PER3: variants seen among roughly 807,000 people sequenced by gnomAD.
PER3 encodes period circadian regulator 3, also known as period circadian protein homolog 3.
A neutral mutation model predicts 127.2 loss-of-function variants in PER3; 107 were observed. The ratio of observed to expected loss-of-function variants is 0.84; its 90% CI spans 0.72 to 0.99. The LOEUF is 0.99. Among genes scored for constraint, PER3 ranks in the 50% least tolerant of loss-of-function variants. The pLI, the probability that PER3 is intolerant of heterozygous loss-of-function variation, is 0.00. For missense variants in PER3, 1,560 were observed against 1,525.8 expected (o/e 1.02, Z -0.37); for synonymous variants, 618 against 585.8 (o/e 1.05, Z -0.79).
chr1:7,813,112 G>A (rs991357065), intron 13 of PER3, among the ~76,000 whole-genome samples: 1 of 152,178 alleles, frequency 6.6e-6, no homozygotes, highest in Admixed American at 6.5e-5. Flanking sequence ...GAGTTAATAT[G>A]GGAGGGCAAG....
chr1:7,840,192 T>C (rs2097378627), intron 21 of PER3, among the ~76,000 whole-genome samples: 1 of 152,212 alleles, frequency 6.6e-6, no homozygotes, highest in African/African-American at 2.4e-5. Flanking sequence ...ATTTCAGTTT[T>C]GTACTTTTTA....
At chr1:7,787,427 C>A in intron 4 of PER3, 1 of 416,980 alleles carries the variant, frequency 2.4e-6, no homozygotes, top group Non-Finnish European at 4.7e-6. Flanking sequence ...GTGCGCAATC[C>A]CTAGTATTAT....
intron 19 of PER3, among the ~76,000 whole-genome samples, chr1:7,831,254 A>G (rs769250999): frequency 1.6e-4 from 24 of 152,162 alleles, no homozygotes; most frequent in Non-Finnish European, 2.4e-4. Flanking sequence ...TCAATTTGCA[A>G]TTGTTTGTTG....
chr1:7,820,623 T>G lies in PER3; in HGVS notation c.1940T>G (p.Val647Gly), dbSNP rs10462020. ...QCGYSSTIVH[V>G]PPPETARDAT... ...GGTTACAGCAGCACCATTGTCCATG[T>G]CCCACCCCCAGAGACAGGTACCACA... Residue 647 changes from valine to glycine, a missense_variant, in exon 16 of 22, where the codon GTC becomes GGC. By Grantham distance (109) the Val-to-Gly change is moderately radical (BLOSUM62 -3). Around this residue, in one of 3 missense-constraint regions of PER3, gnomAD observed 1,332 missense variants for 1,223.6 expected, o/e 1.09. Transcript: ENST00000377532. The G allele has an allele frequency of 0.18, 293,192 of 1,611,594 alleles. 28,217 individuals are homozygous for G. Among genetic ancestry groups the G allele is most frequent in the Non-Finnish European group, 0.19 (227,485 of 1,178,464 alleles).
intron 21 of PER3, among the ~76,000 whole-genome samples, chr1:7,841,358 T>TC (rs1212601826): frequency 2.0e-5 from 3 of 152,092 alleles, no homozygotes; most frequent in South Asian, 2.1e-4. Context: ...AACCAGATTC[T>TC]CCCCTTTCCC....
Position 7,827,207 on chromosome 1 carries a change from A to G in PER3, c.2278A>G (p.Ser760Gly), listed in dbSNP as rs1438613242. Residue 760 changes from serine to glycine, a missense_variant, in exon 18 of 22, where the codon AGC becomes GGC. By Grantham distance (56) the Ser-to-Gly change is moderately conservative. This residue lies in a region of PER3 where 1,332 missense variants were observed against 1,223.6 expected (regional missense o/e 1.09). Transcript: ENST00000377532. ...GCTGCCGGAGCCGCCAGACAGCAGC[A>G]GCTCGAACACCGGCTCTGGTCCCCG... ...KKLPEPPDSS[S>G]SNTGSGPRRG... The G allele has an allele frequency of 6.8e-6, 11 of 1,613,912 alleles. No homozygotes were observed. Among genetic ancestry groups the G allele is most frequent in the Non-Finnish European group, 8.5e-6 (10 of 1,179,976 alleles).
At position 7,827,264 on chromosome 1, in the gene PER3, T is replaced by C. The variant is rs1558460360; in HGVS notation, c.2335T>C (p.Cys779Arg). Residue 779 changes from cysteine (C) to arginine (R), a missense_variant, in exon 18 of 22, where the codon TGC becomes CGC. Coordinates refer to ENST00000377532, the MANE Select transcript of PER3 (RefSeq NM_001377275.1). ...RGAHQNAQPCCPSAASSPHTS... is the reference protein window; with the variant it reads ...RGAHQNAQPCRPSAASSPHTS... ...AGCGCATCAGAACGCACAGCCCTGC[T>C]GCCCCTCCGCGGCCTCCTCTCCGCA... 1.2e-6 allele frequency: 2 copies of C among 1,613,888 alleles called. No homozygotes were observed. Among genetic ancestry groups the C allele is most frequent in the Middle Eastern group, 1.6e-4 (1 of 6,062 alleles).
chr1:7,804,683 C>T (rs916172227), intron 10 of PER3, among the ~76,000 whole-genome samples: 1 of 151,794 alleles, frequency 6.6e-6, no homozygotes, highest in Non-Finnish European at 1.5e-5. Flanking sequence ...TTTGAAGGTA[C>T]GAGCCACTGC....
chr1:7,816,191 A>G (rs1009108625), intron 13 of PER3, among the ~76,000 whole-genome samples: 2 of 152,072 alleles, frequency 1.3e-5, no homozygotes, highest in Admixed American at 6.6e-5. Context: ...ATTGTTTCAC[A>G]AGTAAGCAAT....
intron 16 of PER3, among the ~76,000 whole-genome samples, chr1:7,821,637 C>T (rs958098855): frequency 1.3e-5 from 2 of 152,076 alleles, no homozygotes; most frequent in Admixed American, 1.3e-4. Context: ...TTATATTCTG[C>T]CACTCTGCTT....
chr1:7,840,023 C>G (rs533798084), intron 21 of PER3, among the ~76,000 whole-genome samples: 15 of 152,088 alleles, frequency 9.9e-5, no homozygotes, highest in Admixed American at 4.6e-4. Flanking sequence ...TTGGTCCACT[C>G]GATGGTTTCC....
At chr1:7,800,173 A>AT (rs2097164231) in intron 7 of PER3, among the ~76,000 whole-genome samples, 1 of 151,554 alleles carries the variant, frequency 6.6e-6, no homozygotes, top group Admixed American at 6.6e-5. Context: ...CAAATGAGAT[A>AT]TTAGCATTTG....
chr1:7,810,663 C>T lies in PER3; in HGVS notation c.1522+75C>T, dbSNP rs546830130. The T allele has an allele frequency of 6.3e-5, 88 of 1,397,752 alleles. No individual in the cohort carries two copies. In the East Asian group the frequency reaches 1.2e-3, roughly 19 times the overall value. The allele number at this position is 1,397,752 out of a possible 1,614,324, so 86.6% of individuals were successfully genotyped here. ...CTGCATAGACGTCATGTATGTGATT[C>T]GTGAGCATAAAGTCATGACCCTGTG... On this transcript the variant is annotated intron_variant, in intron 13 of 21. Transcript: ENST00000377532.
chr1:7,803,643 C>A, intron 9 of PER3, 49 bp from the exon 10 acceptor site: 1 of 1,154,588 alleles, frequency 8.7e-7, no homozygotes, highest in Non-Finnish European at 1.3e-6. Context: ...CATTTGTAAT[C>A]AGTATCTGTG....
Position 7,827,697 on chromosome 1 carries a change from C to T in PER3, c.2768C>T (p.Pro923Leu), listed in dbSNP as rs751358394. The change falls in exon 18 of 22, where the codon CCG becomes CTG. Residue 923 changes from proline (P) to leucine (L), a missense_variant. Transcript: ENST00000377532. ...TGGGAGGCACAAAGCGAGGGGCACCCGTTCATTACTTCGAGAAGCAGCTCA... is the reference window on the plus strand; with the variant it reads ...TGGGAGGCACAAAGCGAGGGGCACCTGTTCATTACTTCGAGAAGCAGCTCA... ...EKWEAQSEGH[P>L]FITSRSSSPL... 3.1e-6 allele frequency: 5 copies of T among 1,613,994 alleles called. No individual in the cohort carries two copies. The highest frequency in any genetic ancestry group is 1.6e-4 in the Middle Eastern group (1 of 6,084).
intron 6 of PER3, 42 bp downstream of exon 6, chr1:7,794,050 G>A (rs768223607): frequency 6.6e-6 from 10 of 1,514,130 alleles, no homozygotes; most frequent in Admixed American, 1.7e-5. Flanking sequence ...AGTGGATTAT[G>A]TTCTGAGTTT....
rs188897146 is a variant in PER3 at position 7,807,644 on chromosome 1, A to T, written c.1137-1249A>T. ...AGTACCTCATCCCCTGACTTTGTGT[A>T]TCGGGGATAATTCCTACTTTCTGGG... On this transcript the variant is annotated intron_variant, in intron 10 of 21. Transcript: ENST00000377532. Among the ~76,000 whole-genome samples the T allele has an allele frequency of 1.2e-4, 18 of 152,296 alleles. No homozygotes were observed. The South Asian group carries it at 3.7e-3, about 32-fold the overall frequency.
chr1:7,802,209 T>C (rs2097173577), intron 8 of PER3, among the ~76,000 whole-genome samples: 1 of 152,208 alleles, frequency 6.6e-6, no homozygotes, highest in Non-Finnish European at 1.5e-5. Flanking sequence ...CTGAAACTAT[T>C]TCTGTGTACT....
chr1:7,816,627 AAC>A (rs1300455787), intron 13 of PER3, among the ~76,000 whole-genome samples: 1,604 of 152,352 alleles, frequency 0.011, 36 homozygotes, highest in African/African-American at 0.036. Context: ...CATATGAGAT[AAC>A]ACCACACATC....
Sources: gnomAD v4.1 joint callset for allele counts (sites outside exome capture counted in the v4.1 genomes callset) on GRCh38, gnomAD v4.1.1 for gene constraint, gnomAD v4.1.1 regional missense constraint, MANE v1.5 for transcripts, NCBI Gene and HGNC (gene_info 2026-07-23, HGNC 2026-07-21) for gene names.